The following MST1R variants were observed in gnomAD, a reference collection of about 807,000 sequenced individuals.
The protein encoded by MST1R is macrophage stimulating 1 receptor.
A neutral mutation model predicts 117.8 loss-of-function variants in MST1R; 99 were observed. That is an observed-to-expected ratio of 0.84 (90% CI 0.71 to 0.99). The LOEUF is 0.99. Among genes scored for constraint, MST1R ranks in the 50% least tolerant of loss-of-function variants. The pLI, the probability that MST1R is intolerant of heterozygous loss-of-function variation, is 0.00. For missense variants in MST1R, 1,683 were observed against 1,840.2 expected, an observed-to-expected ratio of 0.91 and a Z score of 1.56; for synonymous variants, 734 against 765.3, an observed-to-expected ratio of 0.96 and a Z score of 0.68.
rs756157918 is a variant in MST1R, at chr3:49,896,056, C to G, written c.2701G>C (p.Gly901Arg). Residue 901 changes from glycine (G) to arginine (R), a missense_variant, in exon 11 of 20, where the codon GGT becomes CGT. Transcript: ENST00000296474. Reference sequence around the variant, plus strand: ...AACTCGTGCTGGCAGCTCTCACCACCCACGGTCACGTTGATACCCACACAG... The same window carrying G: ...AACTCGTGCTGGCAGCTCTCACCACGCACGGTCACGTTGATACCCACACAG... ...ADCVGINVTV[G>R]GESCQHEFRG... 1 of 1,610,782 alleles carries G rather than the reference C, an allele frequency of 6.2e-7. No individual in the cohort carries two copies. Among genetic ancestry groups the G allele is most frequent in the Non-Finnish European group, 8.5e-7 (1 of 1,178,280 alleles).
rs116253411 is a variant in MST1R, at chr3:49,900,317, G to A, written c.1231-1054C>T. On this transcript the variant is annotated intron_variant, in intron 1 of 19. Transcript: ENST00000296474. Reference sequence around the variant, plus strand: ...TTTTGGGGGCTGCAATCACGCTCCAGGGGAGGACTGTGGAAGCTCTGGGAA... The same window carrying A: ...TTTTGGGGGCTGCAATCACGCTCCAAGGGAGGACTGTGGAAGCTCTGGGAA... Among the ~76,000 whole-genome samples, 256 of 152,288 alleles carry A rather than the reference G, an allele frequency of 1.7e-3. 2 individuals are homozygous for A. The highest frequency in any genetic ancestry group is 5.8e-3 in the African/African-American group (241 of 41,552).
chr3:49,902,919 C>G lies in MST1R; in HGVS notation c.691G>C (p.Gly231Arg). 6.2e-7 allele frequency: 1 copy of G among 1,613,494 alleles called. No homozygotes were observed. The highest frequency in any genetic ancestry group is 8.5e-7 in the Non-Finnish European group (1 of 1,180,050). ...LKADASGFAP[G>R]FVALSVLPKH... The stretch of plus-strand genomic sequence containing the variant: ...GGCAGCACTGACAACGCCACAAAGC[C>G]CGGTGCGAATCCCGAGGCGTCAGCC... Residue 231 changes from glycine to arginine, a missense_variant, in exon 1 of 20, where the codon GGC becomes CGC. Physicochemically the swap from Gly to Arg is moderately radical, Grantham distance 125. Coordinates refer to ENST00000296474, the MANE Select transcript of MST1R (RefSeq NM_002447.4).
intron 17 of MST1R, among the ~76,000 whole-genome samples, chr3:49,890,968 C>T (rs567179583): frequency 4.6e-5 from 7 of 152,276 alleles, no homozygotes; most frequent in African/African-American, 9.6e-5. Context: ...CCTCATGATC[C>T]GCCTTCCTCA....
chr3:49,889,877 G>A, intron 19 of MST1R, 47 bp downstream of exon 19: 1 of 1,610,040 alleles, frequency 6.2e-7, no homozygotes, highest in Non-Finnish European at 8.5e-7. Flanking sequence ...TCTCTTCCAT[G>A]TCTCTGGGGC....
In MST1R at chr3:49,903,247, C is replaced by G; in HGVS notation, c.363G>C (p.Lys121Asn). 1 of 1,609,108 alleles carries G rather than the reference C, an allele frequency of 6.2e-7. No homozygotes were observed. The highest frequency in any genetic ancestry group is 1.1e-5 in the South Asian group (1 of 91,080). ...PHGPPGDTDTKVLVLDPALPA... is the reference protein window; with the variant it reads ...PHGPPGDTDTNVLVLDPALPA... ...GCAGCGCGGGATCCAGCACCAGCAC[C>G]TTTGTGTCTGTGTCACCGGGAGGGC... Residue 121 changes from lysine (K) to asparagine (N), a missense_variant, in exon 1 of 20, where the codon AAG (lysine) becomes AAC (asparagine). Coordinates refer to ENST00000296474, the MANE Select transcript of MST1R (RefSeq NM_002447.4).
chr3:49,902,485 G>A lies in MST1R; in HGVS notation c.1125C>T (p.Asp375=), dbSNP rs770777193. ...GCTCCACACCCTCATCAATTAGTGT[G>A]TCCAGCAGGTCAATGGGGAAGGCAC... ...VVCAFPIDLL[D]TLIDEGVERC... Residue 375 remains aspartate, a synonymous_variant, in exon 1 of 20, where the codon GAC becomes GAT. Transcript: ENST00000296474. 2 of 1,614,196 alleles carry A rather than the reference G, an allele frequency of 1.2e-6. No homozygotes were observed. Among genetic ancestry groups the A allele is most frequent in the East Asian group, 4.5e-5 (2 of 44,886 alleles).
chr3:49,898,675 G>A lies in MST1R; in HGVS notation c.1562C>T (p.Pro521Leu), dbSNP rs764704133. The change falls in exon 4 of 20, where the codon CCT (proline) becomes CTT (leucine). Residue 521 changes from proline to leucine, a missense_variant. Pro to Leu is a moderately conservative substitution (Grantham distance 98). Transcript: ENST00000296474. ...GTGGCGGCAGCCAGGGCCTTGGATA[G>A]GTACCTGGAAAACCTGTGGGTGAAA... is the stretch of plus-strand genomic sequence containing the variant. Reference protein sequence around the residue: ...FASGDQVFQVPIQGPGCRHFL... With the variant: ...FASGDQVFQVLIQGPGCRHFL... 2.5e-6 allele frequency: 4 copies of A among 1,614,010 alleles called. No individual in the cohort carries two copies. Among genetic ancestry groups the A allele is most frequent in the Non-Finnish European group, 2.5e-6 (3 of 1,179,984 alleles).
At position 49,902,573 on chromosome 3, in the gene MST1R, A is replaced by T. The variant is rs1476650762; in HGVS notation, c.1037T>A (p.Leu346Gln). The change falls in exon 1 of 20, where the codon CTA becomes CAA. Residue 346 changes from leucine (L) to glutamine (Q), a missense_variant. Physicochemically the swap from Leu to Gln is moderately radical, Grantham distance 113 (BLOSUM62 -2). Coordinates refer to ENST00000296474, the MANE Select transcript of MST1R (RefSeq NM_002447.4). ...CTTGCCAGTCACAAAGACCCCAAAT[A>T]GTACTTCCTGGCCCTCGGCGATGCT... is the stretch of plus-strand genomic sequence containing the variant. ...ELSIAEGQEVLFGVFVTGKDG... is the reference protein window; with the variant it reads ...ELSIAEGQEVQFGVFVTGKDG... 1 of 1,613,712 alleles carries T rather than the reference A, an allele frequency of 6.2e-7. No homozygotes were observed. The highest frequency in any genetic ancestry group is 8.5e-7 in the Non-Finnish European group (1 of 1,179,992).
In MST1R at chr3:49,903,377, A is replaced by G. The variant is rs2108513576; in HGVS notation, c.233T>C (p.Leu78Pro). The G allele has an allele frequency of 6.2e-7, 1 of 1,614,014 alleles. No individual in the cohort carries two copies. The change falls in exon 1 of 20, where the codon CTG (leucine) becomes CCG (proline). Residue 78 changes from leucine (L) to proline (P), a missense_variant. Transcript: ENST00000296474. ...CTTCAGGTCAGGCCCAAGCACATGC[A>G]GGCGATTGCGTATGGCTACAAACAC... is the stretch of plus-strand genomic sequence containing the variant. ...SAVFVAIRNR[L>P]HVLGPDLKSV...
chr3:49,889,574 G>A (rs1004156675), intron 19 of MST1R, among the ~76,000 whole-genome samples: 1 of 152,182 alleles, frequency 6.6e-6, no homozygotes, highest in African/African-American at 2.4e-5. Flanking sequence ...AGAGGGGGTT[G>A]CTGTGGGGGT....
rs761915293 is a variant in MST1R, at chr3:49,896,255, G to C, written c.2589C>G (p.Pro863=). The change falls in exon 10 of 20, where the codon CCC becomes CCG. Residue 863 remains proline, a synonymous_variant. Transcript: ENST00000296474. ...TLPGFRFLPP[P]HPPSANLVPL... ...GAACTAGGTTGGCACTGGGTGGATG[G>C]GGTGGGGGTAGGAAGCGAAAGCCAG... 1.2e-5 allele frequency: 19 copies of C among 1,614,176 alleles called. No homozygotes were observed. Among genetic ancestry groups the C allele is most frequent in the Non-Finnish European group, 1.6e-5 (19 of 1,180,022 alleles).
At position 49,902,883 on chromosome 3, in the gene MST1R, C is replaced by T. The variant is rs1305500780; in HGVS notation, c.727G>A (p.Val243Ile). The T allele has an allele frequency of 1.2e-6, 2 of 1,613,586 alleles. No individual in the cohort carries two copies. Among genetic ancestry groups the T allele is most frequent in the South Asian group, 2.2e-5 (2 of 91,090 alleles). The change falls in exon 1 of 20, where the codon GTC (valine) becomes ATC (isoleucine). Residue 243 changes from valine (V) to isoleucine (I), a missense_variant. By Grantham distance (29) the Val-to-Ile change is conservative. Transcript: ENST00000296474. ...TGCACGTATTCAATACTGTAGGAGA[C>T]AAGATGCTTGGGCAGCACTGACAAC... ...VALSVLPKHL[V>I]SYSIEYVHSF...
At chr3:49,887,591 G>A in intron 19 of MST1R, 29 bp from the exon 20 acceptor site, 2 of 1,608,254 alleles carry the variant, frequency 1.2e-6, no homozygotes, top group Non-Finnish European at 1.7e-6. Flanking sequence ...GTCAGGTTAA[G>A]GCAATTTCCA....
Position 49,890,657 on chromosome 3 carries a change from G to A in MST1R, c.3645-7C>T, listed in dbSNP as rs377655523. 1.9e-6 allele frequency: 3 copies of A among 1,606,276 alleles called. No homozygotes were observed. The highest frequency in any genetic ancestry group is 2.2e-5 in the South Asian group (2 of 90,098). ...TGTGAATGACTCGTCCAGCCTTAGG[G>A]GTAGGGAGAGGATCACACTTAGGAC... On this transcript the variant is annotated splice_region_variant and splice_polypyrimidine_tract_variant and intron_variant, in intron 17 of 19. Coordinates refer to ENST00000296474, the MANE Select transcript of MST1R (RefSeq NM_002447.4).
intron 7 of MST1R, 104 bp from the exon 8 acceptor site, chr3:49,896,994 C>T (rs1433448089): frequency 4.6e-6 from 6 of 1,310,550 alleles, no homozygotes; most frequent in Non-Finnish European, 6.1e-6. Flanking sequence ...GTTATCTCTC[C>T]CACCTGCCCC....
At position 49,902,425 on chromosome 3, in the gene MST1R, C is replaced by T; in HGVS notation, c.1185G>A (p.Arg395=). 4.3e-6 allele frequency: 7 copies of T among 1,614,136 alleles called. No homozygotes were observed. Among genetic ancestry groups the T allele is most frequent in the Non-Finnish European group, 5.1e-6 (6 of 1,180,032 alleles). Reference sequence around the variant, plus strand: ...GCGACTGGAAGAAGTCGAGGCCTCGCCGGAGGCCTGGATGGACTGGGGATT... The same window carrying T: ...GCGACTGGAAGAAGTCGAGGCCTCGTCGGAGGCCTGGATGGACTGGGGATT... ...CCESPVHPGL[R]RGLDFFQSPS... Residue 395 remains arginine (R), a synonymous_variant, in exon 1 of 20, where the codon CGG becomes CGA. Coordinates refer to ENST00000296474, the MANE Select transcript of MST1R (RefSeq NM_002447.4).
intron 1 of MST1R, among the ~76,000 whole-genome samples, chr3:49,900,145 A>G (rs1326635602): frequency 3.3e-5 from 5 of 152,200 alleles, no homozygotes; most frequent in Non-Finnish European, 7.3e-5. Flanking sequence ...CCTAGACTCC[A>G]AAGGTCTGCC....
At chr3:49,899,728 C>A (rs2082611292) in intron 1 of MST1R, among the ~76,000 whole-genome samples, 1 of 151,810 alleles carries the variant, frequency 6.6e-6, no homozygotes, top group Non-Finnish European at 1.5e-5. Context: ...CTCGCCACCA[C>A]CCCTGGCTAA....
At position 49,887,444 on chromosome 3, in the gene MST1R, G is replaced by GCTGCA. The variant is rs776656269; in HGVS notation, c.4061_4065dup (p.Leu1356CysfsTer8). On this transcript the variant is annotated frameshift_variant, in exon 20 of 20. Coordinates refer to ENST00000296474, the MANE Select transcript of MST1R (RefSeq NM_002447.4). LOFTEE classifies it low-confidence loss of function (END_TRUNC). ...CCCAAGTTCATGTAGGTTGCTGGCAGCTGCACATAATGGTCCCCAAGCAGT... is the reference window on the plus strand; with the variant it reads ...CCCAAGTTCATGTAGGTTGCTGGCAGCTGCACTGCACATAATGGTCCCCAAGCAGT... The GCTGCA allele has an allele frequency of 1.2e-5, 19 of 1,614,112 alleles. No individual in the cohort carries two copies. The highest frequency in any genetic ancestry group is 1.5e-5 in the Non-Finnish European group (18 of 1,180,048).
Sources: allele counts gnomAD v4.1 joint callset (sites outside exome capture counted in the v4.1 genomes callset), GRCh38; gene constraint gnomAD v4.1.1; transcripts MANE v1.5; gene names NCBI Gene and HGNC (gene_info 2026-07-23, HGNC 2026-07-21).